The following FANCA variants were observed in gnomAD, a reference collection of about 807,000 sequenced individuals.
The protein encoded by FANCA is Fanconi anemia group A protein.
A neutral mutation model predicts 194.3 loss-of-function variants in FANCA; 236 were observed. The ratio of observed to expected loss-of-function variants is 1.21; its 90% CI spans 1.09 to 1.35. The LOEUF (loss-of-function observed/expected upper bound fraction) is 1.35, where lower values mean the gene tolerates loss of function less well. Ranked by LOEUF, FANCA falls within the 40% of genes most tolerant of loss-of-function variation. FANCA has a pLI of 0.00. For missense variants in FANCA, 2,628 were observed against 1,813.9 expected (o/e 1.45, Z -8.15); for synonymous variants, 1,014 against 715.8 (o/e 1.42, Z -6.65).
Position 89,738,853 on chromosome 16 carries a change from A to G in FANCA, c.4260+29T>C, listed in dbSNP as rs1800359. On this transcript the variant is annotated intron_variant, in intron 42 of 42. Transcript: ENST00000389301. ...AGCTGTCAATTCTCATGTCCCCCAC[A>G]TGGCCCAAGGTGGGCATCTTGACGT... 1,053,768 of 1,613,960 alleles carry G rather than the reference A, an allele frequency of 0.65. 353,174 individuals carry two copies. Among genetic ancestry groups the G allele is most frequent in the East Asian group, 0.98 (44,018 of 44,882 alleles).
At chr16:89,753,323 C>G (rs899086532) in intron 30 of FANCA, among the ~76,000 whole-genome samples, 2 of 152,168 alleles carry the variant, frequency 1.3e-5, no homozygotes, top group African/African-American at 2.4e-5. Flanking sequence ...CACTACCGGT[C>G]TCCGCGCATT....
chr16:89,794,856 G>A (rs920179918), intron 11 of FANCA, among the ~76,000 whole-genome samples: 2 of 152,140 alleles, frequency 1.3e-5, no homozygotes, highest in African/African-American at 4.8e-5. Context: ...CATCAAACAC[G>A]CCACCGAGTC....
chr16:89,779,969 A>G lies in FANCA; in HGVS notation c.1627-12T>C. 6.2e-7 allele frequency: 1 copy of G among 1,612,824 alleles called. No individual in the cohort carries two copies. The highest frequency in any genetic ancestry group is 2.2e-5 in the East Asian group (1 of 44,872). On this transcript the variant is annotated splice_polypyrimidine_tract_variant and intron_variant, in intron 17 of 42. Transcript: ENST00000389301. ...GCTTGGCTGTGGGGCTGGTTCCCAT[A>G]CAGGGAGGAAAGGAAAAAGAACAGA...
intron 14 of FANCA, among the ~76,000 whole-genome samples, chr16:89,785,529 G>A (rs960355181): frequency 6.6e-6 from 1 of 152,212 alleles, no homozygotes; most frequent in African/African-American, 2.4e-5. Flanking sequence ...CCCTAGCAGA[G>A]CAAGCGAGGA....
chr16:89,802,184 A>T (rs1013460380), intron 8 of FANCA, among the ~76,000 whole-genome samples: 6 of 151,212 alleles, frequency 4.0e-5, no homozygotes, highest in Non-Finnish European at 8.8e-5. Flanking sequence ...GCTCACTGCA[A>T]CCTCCGCCTC....
chr16:89,787,475 G>A (rs1024953636), intron 14 of FANCA, among the ~76,000 whole-genome samples: 24 of 152,116 alleles, frequency 1.6e-4, no homozygotes, highest in African/African-American at 5.3e-4. Flanking sequence ...AGCCAAGGTC[G>A]CACCACTGCA....
intron 3 of FANCA, among the ~76,000 whole-genome samples, chr16:89,812,826 A>G (rs1215834794): frequency 6.6e-6 from 1 of 151,402 alleles, no homozygotes; most frequent in African/African-American, 2.4e-5. Context: ...CGAGGTCAGG[A>G]GTTTGAGACC....
rs1199670660 is a variant in FANCA, at chr16:89,791,418, A to G, written c.1344T>C (p.Tyr448=). The change falls in exon 14 of 43, where the codon TAT becomes TAC. Residue 448 remains tyrosine (Y), a synonymous_variant. Coordinates refer to ENST00000389301, the MANE Select transcript of FANCA (RefSeq NM_000135.4). ...GGTCACTTACCTTGAACCAGTCTGC[A>G]TATGACAGGAACGCAGAGGGGCCCT... The part of the protein sequence containing the change: ...ALEGPSAFLS[Y]ADWFKASFGS... 5 of 1,614,090 alleles carry G rather than the reference A, an allele frequency of 3.1e-6. No homozygotes were observed. The highest frequency in any genetic ancestry group is 2.2e-5 in the South Asian group (2 of 91,058).
chr16:89,805,779 G>A (rs200214644), intron 6 of FANCA, among the ~76,000 whole-genome samples: 1 of 151,596 alleles, frequency 6.6e-6, no homozygotes, highest in South Asian at 2.1e-4. Flanking sequence ...GACTCATTAT[G>A]TTAACTTTCA....
Position 89,784,234 on chromosome 16 carries a change from T to C in FANCA, c.1470+620A>G, listed in dbSNP as rs1366363765. 2.6e-5 allele frequency among the ~76,000 whole-genome samples: 4 copies of C among 151,978 alleles called. No homozygotes were observed. In the East Asian group the frequency reaches 7.7e-4, roughly 29 times the overall value. Reference sequence around the variant, plus strand: ...GAAAAAAAGAAAAAACAGCCAGGTTTGCTGGCATGCGCCTGTAGTCCCAAC... The same window carrying C: ...GAAAAAAAGAAAAAACAGCCAGGTTCGCTGGCATGCGCCTGTAGTCCCAAC... On this transcript the variant is annotated intron_variant, in intron 15 of 42. Coordinates refer to ENST00000389301, the MANE Select transcript of FANCA (RefSeq NM_000135.4).
intron 17 of FANCA, among the ~76,000 whole-genome samples, chr16:89,782,549 A>G (rs913349100): frequency 3.3e-5 from 5 of 152,002 alleles, no homozygotes; most frequent in African/African-American, 1.2e-4. Context: ...TGTGATTCAG[A>G]GAAAAACATG....
chr16:89,816,428 C>G (rs1421588696), intron 1 of FANCA, 109 bp downstream of exon 1: 1 of 1,008,352 alleles, frequency 9.9e-7, no homozygotes, highest in Non-Finnish European at 1.3e-6. Flanking sequence ...CCGGGCGCGG[C>G]GTCCGGGGAT....
In FANCA at chr16:89,752,137, C is replaced by T. The variant is rs587783028; in HGVS notation, c.3066+1G>A. 1 of 1,613,898 alleles carries T rather than the reference C, an allele frequency of 6.2e-7. No individual in the cohort carries two copies. The highest frequency in any genetic ancestry group is 8.5e-7 in the Non-Finnish European group (1 of 1,179,802). On this transcript the variant is annotated splice_donor_variant, in intron 31 of 42. Transcript: ENST00000389301. LOFTEE classifies it high-confidence loss of function. ...CTGAGTTGTGGCACCCTCAAACTCA[C>T]CTGCAATCTGGAAATAATATCCTCA...
Position 89,746,631 on chromosome 16 carries a change from G to C in FANCA, c.3466C>G (p.Leu1156Val), listed in dbSNP as rs759632221. The C allele has an allele frequency of 1.2e-5, 19 of 1,614,088 alleles. No individual in the cohort carries two copies. The South Asian group carries it at 1.6e-4, about 14-fold the overall frequency. The change falls in exon 35 of 43, where the codon CTG becomes GTG. Residue 1156 changes from leucine to valine, a missense_variant. Transcript: ENST00000389301. ...GGGCATTTCGTCTGGCACTTGGCCA[G>C]TATGAAGTCGACCATCAGGGAGGGG... ...RDPSLMVDFI[L>V]AKCQTKCPLI... is the part of the protein sequence containing the mutation.
intron 8 of FANCA, among the ~76,000 whole-genome samples, chr16:89,801,910 A>G (rs927834764): frequency 8.5e-5 from 13 of 152,166 alleles, no homozygotes; most frequent in Non-Finnish European, 1.9e-4. Context: ...AAAAACAAAA[A>G]AAAAACCAGA....
intron 14 of FANCA, 71 bp from the exon 15 acceptor site, chr16:89,785,035 T>A: frequency 9.1e-7 from 1 of 1,103,088 alleles, no homozygotes; most frequent in Non-Finnish European, 1.4e-6. Context: ...GTGTCCTGTG[T>A]GGAGAGAAGA....
chr16:89,742,776 CA>C, intron 37 of FANCA, 23 bp downstream of exon 37: 1 of 1,585,888 alleles, frequency 6.3e-7, no homozygotes, highest in South Asian at 1.1e-5. Flanking sequence ...GAAAATAAAT[CA>C]GTAAAAGAAT....
chr16:89,777,244 T>C (rs1207814594), intron 20 of FANCA, among the ~76,000 whole-genome samples: 2 of 151,232 alleles, frequency 1.3e-5, no homozygotes, highest in East Asian at 3.9e-4. Context: ...TGGCTGGGTG[T>C]GGTGGAGCAC....
intron 14 of FANCA, among the ~76,000 whole-genome samples, chr16:89,788,182 G>T (rs1405843791): frequency 6.6e-6 from 1 of 152,178 alleles, no homozygotes; most frequent in East Asian, 1.9e-4. Context: ...AGATGTTCAG[G>T]CCAAGTGCGT....
Sources: allele counts gnomAD v4.1 joint callset (sites outside exome capture counted in the v4.1 genomes callset), GRCh38; gene constraint gnomAD v4.1.1; transcripts MANE v1.5; gene names NCBI Gene and HGNC (gene_info 2026-07-23, HGNC 2026-07-21).